ZC3H12B: variants seen among roughly 807,000 people sequenced by gnomAD.
ZC3H12B encodes the protein zinc finger CCCH-type containing 12B, also known as probable ribonuclease ZC3H12B.
In ZC3H12B, 7 loss-of-function variants were observed where a neutral mutation model predicts 43.9. The ratio of observed to expected loss-of-function variants is 0.16; its 90% CI spans 0.09 to 0.30. The LOEUF is 0.30. Among genes scored for constraint, ZC3H12B ranks in the 10% least tolerant of loss-of-function variants. The pLI is 1.00. For missense variants in ZC3H12B, 475 were observed against 670.2 expected (o/e 0.71, Z 3.22); for synonymous variants, 222 against 241.7 (o/e 0.92, Z 0.76).
chrX:65,267,768 A>T, the ZC3H12B span, among the ~76,000 whole-genome samples: 11 of 111,933 alleles, frequency 9.8e-5, no homozygotes, highest in Admixed American at 3.8e-4. Context: ...ATGTGATTCA[A>T]GAAAAGCAGT....
the ZC3H12B span, among the ~76,000 whole-genome samples, chrX:65,081,023 T>C: frequency 1.8e-5 from 2 of 110,108 alleles, no homozygotes; most frequent in Non-Finnish European, 3.8e-5. Context: ...ATTTTCTTTC[T>C]GCTTTTTTTT....
At chrX:65,423,053 C>T (rs775026966) in intron 3 of ZC3H12B, among the ~76,000 whole-genome samples, 2 of 107,355 alleles carry the variant, frequency 1.9e-5, no homozygotes, top group Admixed American at 2.0e-4. Context: ...CTGCCTCAGC[C>T]TCCTGAGTAG....
chrX:65,363,569 A>C (rs2066132317), upstream of ZC3H12B, among the ~76,000 whole-genome samples: 1 of 111,742 alleles, frequency 8.9e-6, no homozygotes, highest in Non-Finnish European at 1.9e-5. Flanking sequence ...CGTTCCTTGA[A>C]GACAGCTTTA....
At chrX:65,358,547 C>T in the ZC3H12B span, among the ~76,000 whole-genome samples, 1 of 111,741 alleles carries the variant, frequency 8.9e-6, no homozygotes, top group Non-Finnish European at 1.9e-5. Context: ...AACCGCACAA[C>T]TACATGGAAA....
the ZC3H12B span, among the ~76,000 whole-genome samples, chrX:65,055,347 G>C: frequency 8.9e-6 from 1 of 111,921 alleles, no homozygotes; most frequent in Non-Finnish European, 1.9e-5. Flanking sequence ...AGATAATCAT[G>C]TGGTTTTTGT....
At chrX:65,250,892 G>A in the ZC3H12B span, among the ~76,000 whole-genome samples, 1 of 111,497 alleles carries the variant, frequency 9.0e-6, no homozygotes, top group African/African-American at 3.3e-5. Context: ...TAGGTTGCCT[G>A]TTCACTCTGA....
At chrX:65,089,285 A>G in the ZC3H12B span, among the ~76,000 whole-genome samples, 1 of 112,081 alleles carries the variant, frequency 8.9e-6, no homozygotes, top group African/African-American at 3.2e-5. Flanking sequence ...GGTATAGCCT[A>G]TTGCTCCTAG....
chrX:65,244,402 A>T, the ZC3H12B span, among the ~76,000 whole-genome samples: 1 of 110,675 alleles, frequency 9.0e-6, no homozygotes, highest in African/African-American at 3.3e-5. Context: ...TCTTGGAAAA[A>T]TGGATCCAAT....
the ZC3H12B span, among the ~76,000 whole-genome samples, chrX:65,277,191 A>G: frequency 8.9e-6 from 1 of 112,067 alleles, no homozygotes; most frequent in Non-Finnish European, 1.9e-5. Context: ...TATGTGTATC[A>G]ACACTGGAGC....
chrX:65,284,300 A>G, the ZC3H12B span, among the ~76,000 whole-genome samples: 1 of 110,403 alleles, frequency 9.1e-6, no homozygotes, highest in South Asian at 3.8e-4. Context: ...AACCTTTCCA[A>G]GAAATGTAAC....
the ZC3H12B span, among the ~76,000 whole-genome samples, chrX:65,326,911 TA>T: frequency 1.8e-5 from 2 of 111,265 alleles, no homozygotes; most frequent in Non-Finnish European, 3.8e-5. Context: ...ACATGCAAAT[TA>T]AAACAACAGT....
At chrX:65,061,513 T>G in the ZC3H12B span, among the ~76,000 whole-genome samples, 59 of 112,644 alleles carry the variant, frequency 5.2e-4, no homozygotes, top group African/African-American at 1.8e-3. Context: ...TTTTTATGAC[T>G]GCATAGTATT....
chrX:65,065,926 G>A, the ZC3H12B span, among the ~76,000 whole-genome samples: 1 of 104,323 alleles, frequency 9.6e-6, no homozygotes, highest in East Asian at 3.1e-4. Context: ...TCTTCTGCTT[G>A]ATCAATTTGG....
the ZC3H12B span, among the ~76,000 whole-genome samples, chrX:65,181,155 G>T: frequency 1.3e-3 from 149 of 111,552 alleles, 1 homozygote; most frequent in African/African-American, 4.7e-3. Context: ...AATGGGAAAA[G>T]GATTTTCTAT....
the ZC3H12B span, among the ~76,000 whole-genome samples, chrX:65,135,096 T>C: frequency 9.0e-6 from 1 of 111,489 alleles, no homozygotes; most frequent in Non-Finnish European, 1.9e-5. Context: ...GGCCTGACAA[T>C]ATATATAATG....
At chrX:65,390,014 C>T (rs779270972) in intron 2 of ZC3H12B, among the ~76,000 whole-genome samples, 1 of 112,167 alleles carries the variant, frequency 8.9e-6, no homozygotes, top group Non-Finnish European at 1.9e-5. Flanking sequence ...ACCCAGTGTC[C>T]ATTAATGATA....
the ZC3H12B span, among the ~76,000 whole-genome samples, chrX:65,339,506 G>C: frequency 8.9e-6 from 1 of 112,199 alleles, no homozygotes; most frequent in Non-Finnish European, 1.9e-5. Flanking sequence ...ATTGGTCCCA[G>C]AGTATTTGTT....
the ZC3H12B span, among the ~76,000 whole-genome samples, chrX:65,152,336 A>C: frequency 3.6e-5 from 4 of 111,408 alleles, no homozygotes; most frequent in Admixed American, 2.9e-4. Context: ...GAAAACCCCA[A>C]TGTCTCAGCC....
At chrX:65,117,498 C>G in the ZC3H12B span, among the ~76,000 whole-genome samples, 1 of 111,187 alleles carries the variant, frequency 9.0e-6, no homozygotes, top group African/African-American at 3.3e-5. Context: ...AAATTTTCTC[C>G]CATTCTGTAG....
Sources: gnomAD v4.1 joint callset for allele counts (sites outside exome capture counted in the v4.1 genomes callset) on GRCh38, gnomAD v4.1.1 for gene constraint, MANE v1.5 for transcripts, NCBI Gene and HGNC (gene_info 2026-07-23, HGNC 2026-07-21) for gene names.